CNNM1: variants seen among roughly 807,000 people sequenced by gnomAD.
The protein encoded by CNNM1 is cyclin and CBS domain divalent metal cation transport mediator 1, also known as metal transporter CNNM1.
A neutral mutation model predicts 78.8 loss-of-function variants in CNNM1; 44 were observed. That is an observed-to-expected ratio of 0.56 (90% CI 0.44 to 0.72). The LOEUF is 0.72. Ranked by LOEUF, CNNM1 falls within the 30% of genes least tolerant of loss-of-function variation. The pLI is 0.00. For synonymous variants in CNNM1, 584 were observed against 581.5 expected (o/e 1.00, Z -0.06); for missense variants, 1,101 against 1,292.2 (o/e 0.85, Z 2.27).
chr10:99,355,193 C>A (rs758896374), intron 1 of CNNM1, among the ~76,000 whole-genome samples: 17 of 145,802 alleles, frequency 1.2e-4, no homozygotes, highest in Non-Finnish European at 1.8e-4. Context: ...TAAAACACTG[C>A]ATGTTCTCAC....
intron 1 of CNNM1, among the ~76,000 whole-genome samples, chr10:99,350,670 G>A (rs908622900): frequency 6.6e-6 from 1 of 152,122 alleles, no homozygotes; most frequent in African/African-American, 2.4e-5. Flanking sequence ...GGGTATATGT[G>A]CAGGATGTGT....
At chr10:99,351,400 G>A (rs548804868) in intron 1 of CNNM1, among the ~76,000 whole-genome samples, 2 of 152,276 alleles carry the variant, frequency 1.3e-5, no homozygotes, top group East Asian at 3.9e-4. Context: ...TATGCCATTA[G>A]GAAGTAAAGG....
intron 6 of CNNM1, among the ~76,000 whole-genome samples, chr10:99,369,222 C>T (rs544243023): frequency 2.2e-4 from 33 of 152,260 alleles, no homozygotes; most frequent in African/African-American, 7.2e-4. Flanking sequence ...TCTTTTTAAT[C>T]GGGTAACAAT....
intron 1 of CNNM1, among the ~76,000 whole-genome samples, chr10:99,332,771 G>A (rs1174208302): frequency 6.6e-6 from 1 of 152,156 alleles, no homozygotes; most frequent in East Asian, 1.9e-4. Context: ...TTGGTATGAT[G>A]AGAAGGGAGA....
intron 1 of CNNM1, among the ~76,000 whole-genome samples, chr10:99,350,962 C>A (rs951956853): frequency 5.9e-5 from 9 of 152,230 alleles, no homozygotes; most frequent in African/African-American, 2.2e-4. Flanking sequence ...CAAGTTGTGA[C>A]AACCAGATTG....
At chr10:99,356,628 A>G (rs2031223128) in intron 1 of CNNM1, among the ~76,000 whole-genome samples, 1 of 126,524 alleles carries the variant, frequency 7.9e-6, no homozygotes, top group South Asian at 2.3e-4. Flanking sequence ...AAAGAAAAGA[A>G]AAGAAAGAAA....
At chr10:99,361,315 G>A (rs2031426612) in intron 3 of CNNM1, among the ~76,000 whole-genome samples, 1 of 152,200 alleles carries the variant, frequency 6.6e-6, no homozygotes, top group Non-Finnish European at 1.5e-5. Context: ...GTGCCCTAGA[G>A]CAGTGCCACA....
At chr10:99,354,738 A>G (rs965226401) in intron 1 of CNNM1, among the ~76,000 whole-genome samples, 1 of 152,104 alleles carries the variant, frequency 6.6e-6, no homozygotes, top group African/African-American at 2.4e-5. Flanking sequence ...GGGGAAGAGA[A>G]ATCAAGGAAA....
intron 10 of CNNM1, 121 bp from the exon 11 acceptor site, chr10:99,391,316 C>T: frequency 2.8e-6 from 2 of 714,644 alleles, no homozygotes; most frequent in Non-Finnish European, 4.9e-6. Context: ...TTAGTTCTAA[C>T]CAAGCTGTCA....
In CNNM1 at chr10:99,348,336, G is replaced by T. The variant is rs117549112; in HGVS notation, c.1574-9176G>T. On this transcript the variant is annotated intron_variant, in intron 1 of 10. Coordinates refer to ENST00000356713, the MANE Select transcript of CNNM1 (RefSeq NM_020348.3). ...GTTGGGATAATGGGCTTAAGCCACG[G>T]CGCCCAGCCTTATGCTATATATTTT... Among the ~76,000 whole-genome samples the T allele has an allele frequency of 4.5e-3, 679 of 152,266 alleles. 2 individuals carry two copies. Among genetic ancestry groups the T allele is most frequent in the Non-Finnish European group, 7.3e-3 (498 of 68,028 alleles).
intron 7 of CNNM1, 131 bp from the exon 8 acceptor site, chr10:99,387,689 C>G: frequency 1.1e-6 from 1 of 869,580 alleles, no homozygotes; most frequent in Non-Finnish European, 1.7e-6. Flanking sequence ...GGCCCCCATT[C>G]GTGGATCTCA....
intron 1 of CNNM1, among the ~76,000 whole-genome samples, chr10:99,353,431 T>C (rs1442688478): frequency 6.6e-6 from 1 of 152,190 alleles, no homozygotes; most frequent in African/African-American, 2.4e-5. Flanking sequence ...ATAATAATAA[T>C]AACAGCTATT....
At position 99,329,770 on chromosome 10, in the gene CNNM1, C is replaced by G. The variant is rs950692349; in HGVS notation, c.383C>G (p.Pro128Arg). 1 of 1,495,224 alleles carries G rather than the reference C, an allele frequency of 6.7e-7. No individual in the cohort carries two copies. Among genetic ancestry groups the G allele is most frequent in the Non-Finnish European group, 8.8e-7 (1 of 1,130,366 alleles). 92.6% of individuals were successfully genotyped at this position (1,495,224 alleles called of 1,614,324 possible). A position where few individuals can be genotyped will look rare whatever the true frequency, so the allele number is the denominator to read the frequency against. ...VAPSAVPTRP[P>R]GPQRCREQSD... ...CCCAGCGCGGTCCCCACTCGCCCCC[C>G]GGGACCGCAGCGCTGCAGGGAGCAG... The change falls in exon 1 of 11, where the codon CCG becomes CGG. Residue 128 changes from proline (P) to arginine (R), a missense_variant. Pro to Arg is a moderately radical substitution (Grantham distance 103). This residue lies in a region of CNNM1 where 476 missense variants were observed against 484.5 expected (regional missense o/e 0.98). Transcript: ENST00000356713.
intron 6 of CNNM1, among the ~76,000 whole-genome samples, chr10:99,374,303 C>T (rs1442060127): frequency 1.3e-5 from 2 of 152,196 alleles, no homozygotes; most frequent in Non-Finnish European, 2.9e-5. Context: ...TCTGGTCCTT[C>T]ATCACACAGT....
At chr10:99,345,592 C>T (rs1671617813) in intron 1 of CNNM1, among the ~76,000 whole-genome samples, 1 of 152,170 alleles carries the variant, frequency 6.6e-6, no homozygotes, top group African/African-American at 2.4e-5. Context: ...AGCCAAATCA[C>T]TCTGGGTCAC....
At chr10:99,332,528 AAGAG>A (rs1030338544) in intron 1 of CNNM1, among the ~76,000 whole-genome samples, 2 of 151,118 alleles carry the variant, frequency 1.3e-5, no homozygotes, top group Non-Finnish European at 3.0e-5. Flanking sequence ...AAAAGAAAGA[AAGAG>A]AGAGAGAGGA....
chr10:99,361,882 A>G (rs2031444810), intron 3 of CNNM1, among the ~76,000 whole-genome samples: 2 of 152,264 alleles, frequency 1.3e-5, no homozygotes, highest in Admixed American at 6.5e-5. Flanking sequence ...CAATTATAGC[A>G]TTAAAGTCTT....
intron 6 of CNNM1, among the ~76,000 whole-genome samples, chr10:99,371,812 T>C (rs1422754628): frequency 3.3e-5 from 5 of 152,260 alleles, no homozygotes; most frequent in African/African-American, 1.2e-4. Flanking sequence ...TAATGAATTT[T>C]AATAATTCTA....
At chr10:99,340,214 A>AT (rs1414533293) in intron 1 of CNNM1, among the ~76,000 whole-genome samples, 1 of 151,958 alleles carries the variant, frequency 6.6e-6, no homozygotes, top group African/African-American at 2.4e-5. Flanking sequence ...TGTTATGTTC[A>AT]TTTTTTTCCA....
Sources: gnomAD v4.1 joint callset for allele counts (sites outside exome capture counted in the v4.1 genomes callset) on GRCh38, gnomAD v4.1.1 for gene constraint, gnomAD v4.1.1 regional missense constraint, MANE v1.5 for transcripts, NCBI Gene and HGNC (gene_info 2026-07-23, HGNC 2026-07-21) for gene names.